Variants in PROX2 observed in about 807,000 individuals in gnomAD.
The protein encoded by PROX2 is prospero homeobox 2, also known as prospero homeobox protein 2.
Under a neutral mutation model 48.9 loss-of-function variants are expected in PROX2, and 46 were observed. The observed-to-expected ratio is 0.94, with a 90% CI of 0.74 to 1.20. The LOEUF (loss-of-function observed/expected upper bound fraction) is 1.20, where lower values mean the gene tolerates loss of function less well. Among genes scored for constraint, PROX2 ranks in the 50% most tolerant of loss-of-function variants. PROX2 has a pLI of 0.00. For synonymous variants in PROX2, 260 were observed against 276.6 expected (o/e 0.94, Z 0.60); for missense variants, 663 against 719.4 (o/e 0.92, Z 0.90).
chr14:74,858,800 G>GTGTGTT (rs2091769545), intron 3 of PROX2: 2 of 331,492 alleles, frequency 6.0e-6, no homozygotes, highest in Admixed American at 8.5e-5. Flanking sequence ...GTGTGTGTGT[G>GTGTGTT]TGTGTGTGTG....
At chr14:74,869,042 T>C (rs897033411) in intron 2 of PROX2, among the ~76,000 whole-genome samples, 2 of 152,206 alleles carry the variant, frequency 1.3e-5, no homozygotes, top group African/African-American at 2.4e-5. Context: ...ACACATGTTA[T>C]ATTTTTAGAA....
intron 2 of PROX2, among the ~76,000 whole-genome samples, chr14:74,865,623 A>G (rs995971096): frequency 6.6e-6 from 1 of 151,986 alleles, no homozygotes; most frequent in African/African-American, 2.4e-5. Context: ...CGGGTGGATC[A>G]CAGGTCACCA....
chr14:74,857,077 A>G (rs1702501149), intron 4 of PROX2, 82 bp from the exon 5 acceptor site: 1 of 1,176,642 alleles, frequency 8.5e-7, no homozygotes, highest in Non-Finnish European at 1.2e-6. Flanking sequence ...AGCTCAGTAT[A>G]GGGGTTCATA....
intron 4 of PROX2, 81 bp from the exon 5 acceptor site, chr14:74,857,076 T>C (rs899494777): frequency 6.8e-6 from 8 of 1,175,992 alleles, no homozygotes; most frequent in East Asian, 2.3e-5. Context: ...CAGCTCAGTA[T>C]AGGGGTTCAT....
chr14:74,860,865 CA>C (rs1476747860), intron 3 of PROX2, among the ~76,000 whole-genome samples: 1 of 152,164 alleles, frequency 6.6e-6, no homozygotes, highest in Admixed American at 6.5e-5. Context: ...CAACAAATAG[CA>C]AATTCTGGGA....
chr14:74,861,199 G>T (rs765697272), intron 3 of PROX2: 1 of 1,352,216 alleles, frequency 7.4e-7, no homozygotes, highest in Non-Finnish European at 9.8e-7. Flanking sequence ...CAAAGGACAC[G>T]ACTGTTCCCA....
chr14:74,858,239 C>T (rs895515590), intron 4 of PROX2, 168 bp downstream of exon 4: 13 of 514,416 alleles, frequency 2.5e-5, no homozygotes, highest in African/African-American at 5.7e-5. Context: ...AAGTTATTCA[C>T]GGTTATTTGG....
intron 3 of PROX2, among the ~76,000 whole-genome samples, chr14:74,860,545 C>T (rs766630347): frequency 6.3e-4 from 96 of 152,070 alleles, no homozygotes; most frequent in Non-Finnish European, 1.8e-4. Context: ...ATCTTCACAT[C>T]TGCCCTACCT....
In PROX2 at chr14:74,858,397, G is replaced by A; in HGVS notation, c.1413+10C>T. 6.5e-7 allele frequency: 1 copy of A among 1,526,840 alleles called. No homozygotes were observed. The highest frequency in any genetic ancestry group is 8.9e-7 in the Non-Finnish European group (1 of 1,120,494). The allele number at this position is 1,526,840 out of a possible 1,614,324, so 94.6% of individuals were successfully genotyped here. ...TCTGCAGAAGCTGCCATTTAGTTGA[G>A]TGACTTTACCTGAACATCAGGAAAA... On this transcript the variant is annotated intron_variant, in intron 4 of 5. Coordinates refer to ENST00000556489, the MANE Select transcript of PROX2 (RefSeq NM_001243007.2).
At chr14:74,862,153 A>G (rs1351695141) in intron 3 of PROX2, among the ~76,000 whole-genome samples, 1 of 152,214 alleles carries the variant, frequency 6.6e-6, no homozygotes, top group African/African-American at 2.4e-5. Flanking sequence ...ATCTGTCCCC[A>G]GCTCCTCTTC....
At position 74,862,924 on chromosome 14, in the gene PROX2, G is replaced by C; in HGVS notation, c.911C>G (p.Ser304Ter). The change falls in exon 3 of 6, where the codon TCA (serine) becomes TGA (stop). Residue 304 changes from serine to a stop codon, truncating the protein, a stop_gained. Coordinates refer to ENST00000556489, the MANE Select transcript of PROX2 (RefSeq NM_001243007.2). LOFTEE classifies it high-confidence loss of function. ...AGGAGAATCTAGACGCTTGGCCAGTGATAAATTTCCTACTGGGACCCCAGC... is the reference window on the plus strand; with the variant it reads ...AGGAGAATCTAGACGCTTGGCCAGTCATAAATTTCCTACTGGGACCCCAGC... ...LQAGVPVGNL[S>*]LAKRLDSPRY... 1 of 1,613,940 alleles carries C rather than the reference G, an allele frequency of 6.2e-7. No individual in the cohort carries two copies. Among genetic ancestry groups the C allele is most frequent in the Non-Finnish European group, 8.5e-7 (1 of 1,179,850 alleles).
At chr14:74,865,932 TAGAC>T (rs1419334230) in intron 2 of PROX2, among the ~76,000 whole-genome samples, 1 of 151,998 alleles carries the variant, frequency 6.6e-6, no homozygotes, top group Non-Finnish European at 1.5e-5. Context: ...ATATAAGTAC[TAGAC>T]AGACATCTAA....
At chr14:74,870,469 C>CACACACACAT (rs1555371982) in intron 2 of PROX2, among the ~76,000 whole-genome samples, 1 of 150,120 alleles carries the variant, frequency 6.7e-6, no homozygotes, top group South Asian at 2.1e-4. Flanking sequence ...CACACACACA[C>CACACACACAT]GCCCATACAT....
chr14:74,856,756 G>A, intron 5 of PROX2, 45 bp downstream of exon 5: 2 of 1,520,426 alleles, frequency 1.3e-6, no homozygotes, highest in Non-Finnish European at 1.8e-6. Flanking sequence ...ATCATATAGG[G>A]AAGACACTCA....
In PROX2 at chr14:74,862,985, C is replaced by T. The variant is rs373167886; in HGVS notation, c.850G>A (p.Ala284Thr). 1.9e-6 allele frequency: 3 copies of T among 1,613,894 alleles called. No individual in the cohort carries two copies. Among genetic ancestry groups the T allele is most frequent in the African/African-American group, 1.3e-5 (1 of 74,928 alleles). Residue 284 changes from alanine to threonine, a missense_variant, in exon 3 of 6, where the codon GCT becomes ACT. Transcript: ENST00000556489. ...ACCCTCCTGGGCAAGGCAGCCAAAG[C>T]AAGTGGATCTTTACAGGCCCCTCCC... ...PVGGACKDPL[A>T]LAALPRRVQL...
At chr14:74,870,441 T>TACACACACACACACAC (rs10525556) in intron 2 of PROX2, among the ~76,000 whole-genome samples, 9,211 of 110,730 alleles carry the variant, frequency 0.083, 796 homozygotes, top group African/African-American at 0.18. Flanking sequence ...AAAAAAAAAA[T>TACACACACACACACAC]ACACACACAC....
rs201036311 is a variant in PROX2 at position 74,862,498 on chromosome 14, C to T, written c.1305+32G>A. On this transcript the variant is annotated intron_variant, in intron 3 of 5. Transcript: ENST00000556489. ...CATGAGCCACACTGCACCTGGCCAA[C>T]AATGAGAACTTCAATTGCTATTAAA... 1.9e-5 allele frequency: 30 copies of T among 1,584,120 alleles called. No individual in the cohort carries two copies. The East Asian group carries it at 6.7e-4, about 35-fold the overall frequency.
Position 74,854,934 on chromosome 14 carries a change from G to A in PROX2, c.*198C>T, listed in dbSNP as rs990859389. 4 of 404,140 alleles carry A rather than the reference G, an allele frequency of 9.9e-6. No homozygotes were observed. The highest frequency in any genetic ancestry group is 8.1e-5 in the African/African-American group (4 of 49,514). The allele number at this position is 404,140 out of a possible 1,614,324, so 25.0% of individuals were successfully genotyped here. A position where few individuals can be genotyped will look rare whatever the true frequency, so the allele number is the denominator to read the frequency against. On this transcript the variant is annotated 3_prime_UTR_variant, in exon 6 of 6. Transcript: ENST00000556489. ...AATATACTACCAATACACCAATATA[G>A]TTAGTACATTTTATAGTTAAATTTC...
At position 74,863,416 on chromosome 14, in the gene PROX2, T is replaced by G; in HGVS notation, c.419A>C (p.Lys140Thr). 1 of 1,613,534 alleles carries G rather than the reference T, an allele frequency of 6.2e-7. No homozygotes were observed. The highest frequency in any genetic ancestry group is 8.5e-7 in the Non-Finnish European group (1 of 1,179,620). ...CTCTTGCAGATGTCTTAGCTGTTGC[T>G]TCAGCAGATGAAGTTGTTCTCTCAC... ...PRVREQLHLL[K>T]QQLRHLQEHI... The change falls in exon 3 of 6, where the codon AAG becomes ACG. Residue 140 changes from lysine (K) to threonine (T), a missense_variant. Physicochemically the swap from Lys to Thr is moderately conservative, Grantham distance 78. Transcript: ENST00000556489.
Sources: gnomAD v4.1 joint callset for allele counts (sites outside exome capture counted in the v4.1 genomes callset) on GRCh38, gnomAD v4.1.1 for gene constraint, MANE v1.5 for transcripts, NCBI Gene and HGNC (gene_info 2026-07-23, HGNC 2026-07-21) for gene names.